YLPM1: variants seen among roughly 807,000 people sequenced by gnomAD.
YLPM1 encodes YLP motif-containing protein 1.
YLPM1 carries 99 observed loss-of-function variants against 230.0 expected under a neutral mutation model. That is an observed-to-expected ratio of 0.43 (90% CI 0.37 to 0.51). YLPM1 has a LOEUF of 0.51. YLPM1 is among the 20% of genes least tolerant of loss of function. The probability of loss-of-function intolerance (pLI) is 0.00; values close to 1 mark genes in which losing one functional copy is unlikely to be tolerated. For missense variants in YLPM1, 2,592 were observed against 2,707.7 expected (o/e 0.96, Z 0.95); for synonymous variants, 984 against 942.5 (o/e 1.04, Z -0.81).
intron 1 of YLPM1, among the ~76,000 whole-genome samples, chr14:74,769,800 G>A (rs1400602196): frequency 1.3e-5 from 2 of 151,662 alleles, no homozygotes; most frequent in Non-Finnish European, 2.9e-5. Flanking sequence ...CAGTTCTTTG[G>A]GCTCATTAGA....
At chr14:74,834,967 G>GAA in intron 19 of YLPM1, 3 of 259,628 alleles carry the variant, frequency 1.2e-5, no homozygotes, top group Non-Finnish European at 7.3e-6. Flanking sequence ...GCTTTCAGGT[G>GAA]AAAAAAAAAT....
rs534976040 is a variant in YLPM1 at position 74,805,500 on chromosome 14, GC to G, written c.4521+2826del. 8.3e-4 allele frequency among the ~76,000 whole-genome samples: 125 copies of G among 150,400 alleles called. 1 individual carries two copies. In the South Asian group the frequency reaches 0.015, roughly 18 times the overall value. ...CTGGGACTACAGGCACACACCCTAC[GC>G]CTGGCTAATAATAAAAAAAAAAAAT... On this transcript the variant is annotated intron_variant, in intron 6 of 20. Coordinates refer to ENST00000325680, the MANE Select transcript of YLPM1 (RefSeq NM_019589.3).
chr14:74,807,890 T>C (rs898475479), intron 6 of YLPM1, among the ~76,000 whole-genome samples: 4 of 152,240 alleles, frequency 2.6e-5, no homozygotes, highest in Non-Finnish European at 5.9e-5. Context: ...ATAGTTCTTA[T>C]TTATTTATTC....
chr14:74,810,938 C>A (rs950004443), intron 9 of YLPM1, among the ~76,000 whole-genome samples: 4 of 152,118 alleles, frequency 2.6e-5, no homozygotes, highest in African/African-American at 9.7e-5. Context: ...ATCCTCCCAC[C>A]TCAGTCTCCT....
chr14:74,770,589 C>T (rs968394629), intron 1 of YLPM1, among the ~76,000 whole-genome samples: 9 of 151,964 alleles, frequency 5.9e-5, no homozygotes, highest in African/African-American at 2.2e-4. Context: ...TGCCCCACTG[C>T]TCTCTAGCCT....
chr14:74,822,890 T>C (rs17102680), intron 17 of YLPM1, among the ~76,000 whole-genome samples: 7,590 of 152,170 alleles, frequency 0.05, 511 homozygotes, highest in African/African-American at 0.15. Flanking sequence ...TTGCCTCCTT[T>C]AGTGCTTCAG....
chr14:74,807,589 T>C (rs10139018), intron 6 of YLPM1, among the ~76,000 whole-genome samples: 72,528 of 151,926 alleles, frequency 0.48, 17,681 homozygotes, highest in Non-Finnish European at 0.54. Flanking sequence ...ACCAATTTGC[T>C]AAGAAGTCCT....
Position 74,764,102 on chromosome 14 carries a change from CCTT to C in YLPM1, c.617_619del (p.Ser206del). ...TTCCCAATCCTACCTGGCGCCCACC[CCTT>C]CTTACTCATCCTCCTCCTCTTCCTC... On this transcript the variant is annotated inframe_deletion, in exon 1 of 21. Transcript: ENST00000325680. 2 of 1,613,430 alleles carry C rather than the reference CCTT, an allele frequency of 1.2e-6. No homozygotes were observed. Among genetic ancestry groups the C allele is most frequent in the African/African-American group, 2.7e-5 (2 of 74,830 alleles).
intron 1 of YLPM1, 30 bp downstream of exon 1, chr14:74,764,392 T>G (rs2090890315): frequency 6.4e-7 from 1 of 1,561,938 alleles, no homozygotes; most frequent in Non-Finnish European, 8.7e-7. Flanking sequence ...AACCTCATCT[T>G]TCACCTAGAG....
rs2091294002 is a variant in YLPM1 at position 74,798,918 on chromosome 14, T to C, written c.3621T>C (p.Asp1207=). The change falls in exon 5 of 21, where the codon GAT becomes GAC. Residue 1207 remains aspartate (D), a synonymous_variant. Coordinates refer to ENST00000325680, the MANE Select transcript of YLPM1 (RefSeq NM_019589.3). ...EERGHEEFPL[D]GRNAPMERER... ...GAGGGCATGAAGAGTTTCCATTAGA[T>C]GGTAGAAATGCTCCAATGGAACGAG... 1.9e-6 allele frequency: 3 copies of C among 1,613,782 alleles called. No homozygotes were observed. Among genetic ancestry groups the C allele is most frequent in the Admixed American group, 1.7e-5 (1 of 59,998 alleles).
Position 74,837,237 on chromosome 14 carries a change from G to A in YLPM1, c.*1499G>A, listed in dbSNP as rs1162069300. 1 of 152,058 alleles carries A rather than the reference G, an allele frequency of 6.6e-6. No individual in the cohort carries two copies. Among genetic ancestry groups the A allele is most frequent in the Non-Finnish European group, 1.5e-5 (1 of 67,996 alleles). The allele number at this position is 152,058 out of a possible 1,614,324, so 9.4% of individuals were successfully genotyped here. ...CTTCCCTGAAAATCTGAATTTTTAA[G>A]CAAGTGACTTTAAGTTCATTAAGTC... On this transcript the variant is annotated 3_prime_UTR_variant, in exon 21 of 21. Coordinates refer to ENST00000325680, the MANE Select transcript of YLPM1 (RefSeq NM_019589.3).
At chr14:74,824,719 G>T (rs892322486) in intron 18 of YLPM1, among the ~76,000 whole-genome samples, 1 of 151,864 alleles carries the variant, frequency 6.6e-6, no homozygotes, top group Non-Finnish European at 1.5e-5. Flanking sequence ...TAATTAAAAG[G>T]CATTTATTCT....
Position 74,809,751 on chromosome 14 carries a change from C to T in YLPM1, c.4893C>T (p.Ser1631=), listed in dbSNP as rs184112745. 59 of 1,614,012 alleles carry T rather than the reference C, an allele frequency of 3.7e-5. No homozygotes were observed. In the African/African-American group the frequency reaches 5.9e-4, roughly 16 times the overall value. Residue 1631 remains serine (S), a synonymous_variant, in exon 7 of 21, where the codon TCC becomes TCT. Transcript: ENST00000325680. The part of the protein sequence containing the change: ...GPVPMGMPPM[S]KPPPVQQTVD... The stretch of plus-strand genomic sequence containing the variant: ...TGCCTATGGGTATGCCACCAATGTC[C>T]AAGCCACCACCAGTACAACAGACTG...
chr14:74,804,571 C>T (rs1192545525), intron 6 of YLPM1, among the ~76,000 whole-genome samples: 3 of 152,202 alleles, frequency 2.0e-5, no homozygotes, highest in Admixed American at 6.5e-5. Flanking sequence ...CCATCCCCTC[C>T]TGCAACTGGC....
chr14:74,823,374 A>C (rs991069861), intron 17 of YLPM1, among the ~76,000 whole-genome samples: 1 of 152,152 alleles, frequency 6.6e-6, no homozygotes, highest in Non-Finnish European at 1.5e-5. Flanking sequence ...AAAACAGTCT[A>C]AATGAAGGTA....
At chr14:74,819,293 G>A (rs910587582) in intron 16 of YLPM1, among the ~76,000 whole-genome samples, 1 of 40,146 alleles carries the variant, frequency 2.5e-5, no homozygotes, top group Non-Finnish European at 4.9e-5. Context: ...TTTTTTTTTT[G>A]AGGTGGAGTC....
At chr14:74,785,317 C>A (rs1291565023) in intron 4 of YLPM1, among the ~76,000 whole-genome samples, 4 of 152,180 alleles carry the variant, frequency 2.6e-5, no homozygotes, top group Non-Finnish European at 5.9e-5. Flanking sequence ...TTTTCATCTG[C>A]AGCTTTGATA....
Position 74,763,722 on chromosome 14 carries a change from C to T in YLPM1, c.233C>T (p.Pro78Leu), listed in dbSNP as rs1394521884. ...AAGCAAATGCAGTGCGTGCTTCAGC[C>T]CCACCACCTTCCTCCGCCCCCTCTG... is the stretch of plus-strand genomic sequence containing the variant. ...HQKQMQCVLQ[P>L]HHLPPPPLPP... The change falls in exon 1 of 21, where the codon CCC becomes CTC. Residue 78 changes from proline (P) to leucine (L), a missense_variant. Physicochemically the swap from Pro to Leu is moderately conservative, Grantham distance 98 (BLOSUM62 -3). Transcript: ENST00000325680. The T allele has an allele frequency of 1.3e-6, 2 of 1,528,282 alleles. No homozygotes were observed. The highest frequency in any genetic ancestry group is 2.1e-5 in the Admixed American group (1 of 47,438). The allele number at this position is 1,528,282 out of a possible 1,614,324, so 94.7% of individuals were successfully genotyped here.
Position 74,835,429 on chromosome 14 carries a change from G to A in YLPM1, c.*18G>A. 2 of 1,612,538 alleles carry A rather than the reference G, an allele frequency of 1.2e-6. No individual in the cohort carries two copies. The highest frequency in any genetic ancestry group is 1.7e-6 in the Non-Finnish European group (2 of 1,179,084). ...ATATATGAGACTTAGTTTTTGAACG[G>A]AGTCATTATTCCTCTAAGGTAAGAG... On this transcript the variant is annotated 3_prime_UTR_variant, in exon 20 of 21. Transcript: ENST00000325680.
Sources: allele counts gnomAD v4.1 joint callset (sites outside exome capture counted in the v4.1 genomes callset), GRCh38; gene constraint gnomAD v4.1.1; transcripts MANE v1.5; gene names NCBI Gene and HGNC (gene_info 2026-07-23, HGNC 2026-07-21).